The following TMEM108 variants were observed in gnomAD, a reference collection of about 807,000 sequenced individuals.
The protein encoded by TMEM108 is cancer/testis antigen 124.
In TMEM108, 12 loss-of-function variants were observed where a neutral mutation model predicts 35.1. That is an observed-to-expected ratio of 0.34 (90% confidence interval 0.22 to 0.55). TMEM108 has a LOEUF of 0.55. Ranked by LOEUF, TMEM108 falls within the 20% of genes least tolerant of loss-of-function variation. The probability of loss-of-function intolerance (pLI) is 0.89; values close to 1 mark genes in which losing one functional copy is unlikely to be tolerated. For synonymous variants in TMEM108, 287 were observed against 308.6 expected, an observed-to-expected ratio of 0.93 and a Z score of 0.73; for missense variants, 680 against 753.3, an observed-to-expected ratio of 0.90 and a Z score of 1.14.
intron 3 of TMEM108, among the ~76,000 whole-genome samples, chr3:133,261,694 G>A (rs190122084): frequency 7.1e-4 from 108 of 152,288 alleles, no homozygotes; most frequent in African/African-American, 2.5e-3. Context: ...GTTGATGGAG[G>A]TTTGAAGCCC....
intron 3 of TMEM108, among the ~76,000 whole-genome samples, chr3:133,317,887 T>A (rs555534660): frequency 6.6e-6 from 1 of 152,218 alleles, no homozygotes; most frequent in African/African-American, 2.4e-5. Context: ...TAGGGATACA[T>A]GCAATGAAAA....
intron 2 of TMEM108, among the ~76,000 whole-genome samples, chr3:133,167,088 G>A (rs1318023016): frequency 6.6e-6 from 1 of 152,220 alleles, no homozygotes. Context: ...ATGCTGATTG[G>A]TGTGTTTACA....
At chr3:133,353,150 C>T (rs1050864205) in intron 3 of TMEM108, among the ~76,000 whole-genome samples, 3 of 152,252 alleles carry the variant, frequency 2.0e-5, no homozygotes, top group African/African-American at 4.8e-5. Context: ...AAGAAGCCAG[C>T]GTGATTTTTG....
At chr3:133,377,812 TCAC>T (rs2072886143) in intron 3 of TMEM108, among the ~76,000 whole-genome samples, 1 of 151,972 alleles carries the variant, frequency 6.6e-6, no homozygotes, top group Non-Finnish European at 1.5e-5. Flanking sequence ...CACCGGAGCA[TCAC>T]CGCCAGAGCG....
intron 2 of TMEM108, among the ~76,000 whole-genome samples, chr3:133,222,260 G>C (rs1946003520): frequency 6.6e-6 from 1 of 151,780 alleles, no homozygotes; most frequent in Admixed American, 6.6e-5. Flanking sequence ...TCACCTATAA[G>C]GTTTCTGCTG....
chr3:133,214,716 T>G (rs546893455), intron 2 of TMEM108, among the ~76,000 whole-genome samples: 79 of 152,268 alleles, frequency 5.2e-4, no homozygotes, highest in Non-Finnish European at 9.7e-4. Context: ...GTCCATGGCC[T>G]GTTAGGAACC....
chr3:133,205,499 G>A (rs563695675), intron 2 of TMEM108, among the ~76,000 whole-genome samples: 1 of 152,250 alleles, frequency 6.6e-6, no homozygotes, highest in Non-Finnish European at 1.5e-5. Flanking sequence ...GGCAGGCCTG[G>A]TGGTGACAAA....
intron 3 of TMEM108, chr3:133,257,118 A>G (rs1039004043): frequency 1.3e-5 from 2 of 152,168 alleles, no homozygotes; most frequent in African/African-American, 4.8e-5. Flanking sequence ...ATATTATCTC[A>G]TTTGAGATTG....
At chr3:133,141,488 G>A (rs1375960648) in intron 2 of TMEM108, among the ~76,000 whole-genome samples, 1 of 152,214 alleles carries the variant, frequency 6.6e-6, no homozygotes, top group African/African-American at 2.4e-5. Flanking sequence ...CTGGGCAAGA[G>A]CAGAAAAAGT....
intron 3 of TMEM108, among the ~76,000 whole-genome samples, chr3:133,362,686 T>C (rs186444281): frequency 3.9e-5 from 6 of 152,344 alleles, no homozygotes; most frequent in Admixed American, 3.9e-4. Flanking sequence ...CCCTAGCTTA[T>C]GGTGCTCTCA....
At chr3:133,373,537 A>G (rs4017083) in intron 3 of TMEM108, among the ~76,000 whole-genome samples, 41,959 of 151,456 alleles carry the variant, frequency 0.28, 6,449 homozygotes, top group East Asian at 0.42. Flanking sequence ...TGTGTGGCCA[A>G]GGTAAATCAT....
chr3:133,045,495 G>A (rs918907999), intron 1 of TMEM108, among the ~76,000 whole-genome samples: 3 of 152,184 alleles, frequency 2.0e-5, no homozygotes, highest in Non-Finnish European at 4.4e-5. Flanking sequence ...GTGTGACTGT[G>A]TAATTGAGTT....
chr3:133,204,877 A>G (rs922888308), intron 2 of TMEM108, among the ~76,000 whole-genome samples: 2 of 152,128 alleles, frequency 1.3e-5, no homozygotes, highest in Non-Finnish European at 2.9e-5. Context: ...TGTCTCATTG[A>G]TCTGTCTAAT....
At chr3:133,189,364 C>T (rs576485602) in intron 2 of TMEM108, among the ~76,000 whole-genome samples, 54 of 152,228 alleles carry the variant, frequency 3.5e-4, no homozygotes, top group African/African-American at 1.1e-3. Flanking sequence ...TTTAAATCAT[C>T]GTATTTTTAA....
chr3:133,177,099 T>G lies in TMEM108; in HGVS notation c.-46-52167T>G, dbSNP rs1415486144. On this transcript the variant is annotated intron_variant, in intron 2 of 5. Coordinates refer to ENST00000321871, the MANE Select transcript of TMEM108 (RefSeq NM_023943.4). ...GATAAATTCCTCGATACATACACCC[T>G]CCCAAGACTAAACCAGGAAGAAGTT... 2.6e-5 allele frequency among the ~76,000 whole-genome samples: 4 copies of G among 152,078 alleles called. No homozygotes were observed. In the East Asian group the frequency reaches 7.7e-4, roughly 29 times the overall value.
intron 3 of TMEM108, among the ~76,000 whole-genome samples, chr3:133,378,861 TATCACCA>T (rs2072920564): frequency 6.6e-6 from 1 of 150,812 alleles, no homozygotes; most frequent in Admixed American, 6.6e-5. Context: ...AAAGGCTGGA[TATCACCA>T]ATGACAATTT....
rs555001695 is a variant in TMEM108 at position 133,226,102 on chromosome 3, G to T, written c.-46-3164G>T. On this transcript the variant is annotated intron_variant, in intron 2 of 5. Coordinates refer to ENST00000321871, the MANE Select transcript of TMEM108 (RefSeq NM_023943.4). ...CATAGGTGTATTCAAAGATTTTCTG[G>T]TTGGCAGTTTGTTGAAGGAGTTATT... Among the ~76,000 whole-genome samples the T allele has an allele frequency of 2.0e-5, 3 of 152,338 alleles. No individual in the cohort carries two copies. The South Asian group carries it at 6.2e-4, about 32-fold the overall frequency.
chr3:133,177,478 G>A (rs1945252808), intron 2 of TMEM108, among the ~76,000 whole-genome samples: 2 of 152,232 alleles, frequency 1.3e-5, no homozygotes, highest in South Asian at 4.1e-4. Context: ...ATGATCAAGT[G>A]GGCTTCATCC....
At chr3:133,370,915 T>TGTGTGC (rs1553770109) in intron 3 of TMEM108, among the ~76,000 whole-genome samples, 5 of 135,790 alleles carry the variant, frequency 3.7e-5, no homozygotes, top group African/African-American at 1.5e-4. Context: ...TGTGTGTGTG[T>TGTGTGC]GTGTGTGCCA....
Sources: allele counts gnomAD v4.1 joint callset (sites outside exome capture counted in the v4.1 genomes callset), GRCh38; gene constraint gnomAD v4.1.1; transcripts MANE v1.5; gene names NCBI Gene and HGNC (gene_info 2026-07-23, HGNC 2026-07-21).